XYLT1: variants seen among roughly 807,000 people sequenced by gnomAD.
The protein encoded by XYLT1 is beta-D-xylosyltransferase 1.
Under a neutral mutation model 91.3 loss-of-function variants are expected in XYLT1, and 36 were observed. That is an observed-to-expected ratio of 0.39 (90% CI 0.30 to 0.52). The LOEUF (loss-of-function observed/expected upper bound fraction) is 0.52. Ranked by LOEUF, XYLT1 falls within the 20% of genes least tolerant of loss-of-function variation. The pLI, the probability that XYLT1 is intolerant of heterozygous loss-of-function variation, is 0.68. For missense variants in XYLT1, 1,242 were observed against 1,284.5 expected (o/e 0.97, Z 0.51); for synonymous variants, 588 against 532.0 (o/e 1.11, Z -1.45).
intron 1 of XYLT1, among the ~76,000 whole-genome samples, chr16:17,445,487 G>A (rs569015786): frequency 6.6e-6 from 1 of 152,218 alleles, no homozygotes; most frequent in Non-Finnish European, 1.5e-5. Flanking sequence ...AGAAAGGAAG[G>A]CTGGGAGCCC....
intron 2 of XYLT1, among the ~76,000 whole-genome samples, chr16:17,309,459 T>C (rs1049259888): frequency 6.6e-6 from 1 of 152,190 alleles, no homozygotes; most frequent in East Asian, 1.9e-4. Flanking sequence ...CATACCTGGG[T>C]AGGGCAAGCC....
At chr16:17,334,986 G>A (rs2034956874) in intron 2 of XYLT1, among the ~76,000 whole-genome samples, 1 of 152,174 alleles carries the variant, frequency 6.6e-6, no homozygotes, top group South Asian at 2.1e-4. Flanking sequence ...CACTCTAGGA[G>A]GCTGAGGTGG....
intron 11 of XYLT1, among the ~76,000 whole-genome samples, chr16:17,112,871 G>A (rs1357684637): frequency 2.0e-5 from 3 of 151,640 alleles, no homozygotes; most frequent in South Asian, 2.1e-4. Context: ...ACGGAGTCTC[G>A]CTCTTGTTGC....
chr16:17,420,443 G>A (rs2036237052), intron 1 of XYLT1, among the ~76,000 whole-genome samples: 2 of 152,102 alleles, frequency 1.3e-5, no homozygotes, highest in African/African-American at 4.8e-5. Flanking sequence ...ACCTAAAAGA[G>A]TCCCAGGGTT....
At chr16:17,420,140 T>C (rs1229499288) in intron 1 of XYLT1, among the ~76,000 whole-genome samples, 1 of 152,196 alleles carries the variant, frequency 6.6e-6, no homozygotes, top group East Asian at 1.9e-4. Context: ...TATCCAAAAC[T>C]AGCAAAAATA....
intron 1 of XYLT1, among the ~76,000 whole-genome samples, chr16:17,391,389 CA>C (rs937697704): frequency 2.6e-5 from 4 of 152,160 alleles, no homozygotes; most frequent in African/African-American, 9.7e-5. Flanking sequence ...CTTTGTCCGC[CA>C]AACTATCCTT....
chr16:17,461,132 T>C (rs1490140700), intron 1 of XYLT1, among the ~76,000 whole-genome samples: 1 of 152,198 alleles, frequency 6.6e-6, no homozygotes, highest in Non-Finnish European at 1.5e-5. Flanking sequence ...CCCTGGATCA[T>C]TTCCAGGGTT....
At chr16:17,230,603 C>T (rs776812639) in intron 3 of XYLT1, among the ~76,000 whole-genome samples, 35 of 152,128 alleles carry the variant, frequency 2.3e-4, no homozygotes, top group Non-Finnish European at 3.8e-4. Flanking sequence ...CCAGAGCTTC[C>T]AACAGCTGGA....
intron 3 of XYLT1, among the ~76,000 whole-genome samples, chr16:17,202,073 G>A (rs1259228584): frequency 6.6e-6 from 1 of 152,040 alleles, no homozygotes; most frequent in Non-Finnish European, 1.5e-5. Context: ...TCTTTCTCTT[G>A]CTTCAGATAA....
intron 3 of XYLT1, among the ~76,000 whole-genome samples, chr16:17,236,740 G>A (rs1213876887): frequency 6.6e-6 from 1 of 152,178 alleles, no homozygotes; most frequent in Non-Finnish European, 1.5e-5. Context: ...TTGGCCTTGA[G>A]ATGCATCACC....
intron 10 of XYLT1, among the ~76,000 whole-genome samples, chr16:17,121,098 T>G (rs935632951): frequency 2.0e-5 from 3 of 152,196 alleles, no homozygotes; most frequent in African/African-American, 2.4e-5. Flanking sequence ...CTTCCCTCCA[T>G]GCACTAGTTT....
chr16:17,138,587 C>A, intron 7 of XYLT1, 56 bp from the exon 8 acceptor site: 1 of 1,585,238 alleles, frequency 6.3e-7, no homozygotes, highest in Non-Finnish European at 8.6e-7. Context: ...CACAGATGAA[C>A]TGGGGTGGGA....
chr16:17,388,888 AAG>A (rs2035781606), intron 1 of XYLT1, among the ~76,000 whole-genome samples: 1 of 152,186 alleles, frequency 6.6e-6, no homozygotes, highest in South Asian at 2.1e-4. Flanking sequence ...CTGGAGGAAG[AAG>A]AGAGTCTGAT....
At chr16:17,451,612 A>G (rs1307765418) in intron 1 of XYLT1, among the ~76,000 whole-genome samples, 1 of 152,222 alleles carries the variant, frequency 6.6e-6, no homozygotes, top group Non-Finnish European at 1.5e-5. Context: ...GCACTCATAG[A>G]AAACTTCTAC....
intron 1 of XYLT1, among the ~76,000 whole-genome samples, chr16:17,457,787 G>A (rs866153526): frequency 6.6e-6 from 1 of 152,060 alleles, no homozygotes; most frequent in Non-Finnish European, 1.5e-5. Context: ...ACAATGAATA[G>A]GCTTTTATTT....
intron 9 of XYLT1, among the ~76,000 whole-genome samples, chr16:17,133,800 T>C (rs770170756): frequency 6.6e-6 from 1 of 152,202 alleles, no homozygotes; most frequent in African/African-American, 2.4e-5. Flanking sequence ...TTTCCTGAAG[T>C]GTTGGCAGTT....
intron 2 of XYLT1, among the ~76,000 whole-genome samples, chr16:17,279,637 G>A (rs1026110927): frequency 2.6e-5 from 4 of 152,178 alleles, no homozygotes; most frequent in African/African-American, 9.7e-5. Flanking sequence ...CTAACTATTG[G>A]TGCAGAGAGT....
At chr16:17,317,982 C>T (rs2034662149) in intron 2 of XYLT1, among the ~76,000 whole-genome samples, 1 of 152,210 alleles carries the variant, frequency 6.6e-6, no homozygotes, top group Non-Finnish European at 1.5e-5. Context: ...TTACCTACCC[C>T]ACACCAGTCA....
rs750411891 is a variant in XYLT1, at chr16:17,134,564, C to T, written c.1936G>A (p.Asp646Asn). The T allele has an allele frequency of 1.2e-5, 19 of 1,614,048 alleles. No homozygotes were observed. The highest frequency in any genetic ancestry group is 5.3e-5 in the African/African-American group (4 of 74,912). The change falls in exon 9 of 12, where the codon GAC becomes AAC. Residue 646 changes from aspartate (D) to asparagine (N), a missense_variant. Coordinates refer to ENST00000261381, the MANE Select transcript of XYLT1 (RefSeq NM_022166.4). ...GAGTGGTACAAGGTGAGTGTCACGTCGCTCAGGCTGTGGATGCCGTCAGGC... is the reference window on the plus strand; with the variant it reads ...GAGTGGTACAAGGTGAGTGTCACGTTGCTCAGGCTGTGGATGCCGTCAGGC... ...DEPDGIHSLS[D>N]VTLTLYHSFA...
Sources: allele counts gnomAD v4.1 joint callset (sites outside exome capture counted in the v4.1 genomes callset), GRCh38; gene constraint gnomAD v4.1.1; transcripts MANE v1.5; gene names NCBI Gene and HGNC (gene_info 2026-07-23, HGNC 2026-07-21).